The following GPC5 variants were observed in gnomAD, a reference collection of about 807,000 sequenced individuals.
The protein encoded by GPC5 is glypican-5.
Under a neutral mutation model 53.9 loss-of-function variants are expected in GPC5, and 47 were observed. That is an observed-to-expected ratio of 0.87 (90% CI 0.69 to 1.11). GPC5 has a LOEUF of 1.11. GPC5 is among the 50% of genes most tolerant of loss of function. The pLI is 0.00. For synonymous variants in GPC5, 286 were observed against 263.3 expected, an observed-to-expected ratio of 1.09 and a Z score of -0.84; for missense variants, 748 against 713.1, an observed-to-expected ratio of 1.05 and a Z score of -0.56.
At chr13:91,416,820 G>A (rs7328259) in intron 1 of GPC5, among the ~76,000 whole-genome samples, 100,301 of 152,012 alleles carry the variant, frequency 0.66, 33,615 homozygotes, top group African/African-American at 0.76. Context: ...CATGGTGTAT[G>A]TTTGCCACAT....
At chr13:92,070,635 AT>A (rs1268630405) in intron 6 of GPC5, among the ~76,000 whole-genome samples, 1 of 152,176 alleles carries the variant, frequency 6.6e-6, no homozygotes, top group Non-Finnish European at 1.5e-5. Context: ...ATCTGCATCA[AT>A]TGTTGAATAC....
At chr13:91,516,121 A>T (rs1200490563) in intron 2 of GPC5, among the ~76,000 whole-genome samples, 1 of 152,052 alleles carries the variant, frequency 6.6e-6, no homozygotes, top group East Asian at 1.9e-4. Context: ...GACACAGCCA[A>T]ACTATGTCAT....
chr13:91,479,573 T>TA (rs1883194236), intron 2 of GPC5, among the ~76,000 whole-genome samples: 1 of 152,048 alleles, frequency 6.6e-6, no homozygotes, highest in Non-Finnish European at 1.5e-5. Flanking sequence ...ATAGTCTACT[T>TA]AAAGTTTTTT....
intron 1 of GPC5, among the ~76,000 whole-genome samples, chr13:91,432,061 G>A (rs927054866): frequency 2.0e-5 from 3 of 152,124 alleles, no homozygotes; most frequent in African/African-American, 7.2e-5. Flanking sequence ...TGGGTTGTTG[G>A]TTATTGAGAT....
chr13:92,741,361 G>A (rs1191155846), intron 7 of GPC5, among the ~76,000 whole-genome samples: 3 of 151,888 alleles, frequency 2.0e-5, no homozygotes, highest in South Asian at 2.1e-4. Context: ...ACCCTTTGCC[G>A]TGGGAGGCTC....
At chr13:92,128,560 G>A (rs1427339607) in intron 6 of GPC5, among the ~76,000 whole-genome samples, 4 of 152,184 alleles carry the variant, frequency 2.6e-5, no homozygotes, top group Non-Finnish European at 5.9e-5. Context: ...ATACCAACAA[G>A]ACATTTTTAC....
chr13:91,606,553 T>C (rs9589304), intron 2 of GPC5, among the ~76,000 whole-genome samples: 28,712 of 147,946 alleles, frequency 0.19, 2,954 homozygotes, highest in African/African-American at 0.25. Context: ...CTTGTACCTC[T>C]GGTAGAATTC....
chr13:92,182,098 A>ATT (rs201448151), intron 7 of GPC5, among the ~76,000 whole-genome samples: 2 of 151,786 alleles, frequency 1.3e-5, no homozygotes, highest in African/African-American at 4.8e-5. Flanking sequence ...TTATTTATTT[A>ATT]TTTTTTTTGC....
chr13:91,631,940 C>T (rs1383894051), intron 2 of GPC5, among the ~76,000 whole-genome samples: 1 of 152,070 alleles, frequency 6.6e-6, no homozygotes, highest in Non-Finnish European at 1.5e-5. Flanking sequence ...GAAGTCCAAC[C>T]AAGGTCTTAA....
At chr13:92,381,923 T>TATATATG (rs2043750122) in intron 7 of GPC5, among the ~76,000 whole-genome samples, 1 of 132,500 alleles carries the variant, frequency 7.5e-6, no homozygotes, top group Non-Finnish European at 1.6e-5. Context: ...TATATAATCA[T>TATATATG]ATATATGATT....
At chr13:92,771,832 C>T (rs543989852) in intron 7 of GPC5, among the ~76,000 whole-genome samples, 53 of 152,296 alleles carry the variant, frequency 3.5e-4, no homozygotes, top group African/African-American at 1.2e-3. Context: ...TTCAGCCTCT[C>T]TCCTGAAGTT....
intron 5 of GPC5, among the ~76,000 whole-genome samples, chr13:91,839,271 G>C (rs1158714697): frequency 6.6e-6 from 1 of 152,018 alleles, no homozygotes; most frequent in African/African-American, 2.4e-5. Context: ...GGATTGCTCA[G>C]ATTTTAAAAT....
intron 7 of GPC5, among the ~76,000 whole-genome samples, chr13:92,348,962 TA>T (rs1488155909): frequency 6.6e-6 from 1 of 151,774 alleles, no homozygotes. Flanking sequence ...AATGTTTACC[TA>T]AAAAAAACCC....
intron 7 of GPC5, among the ~76,000 whole-genome samples, chr13:92,477,589 T>C (rs1265734507): frequency 2.0e-5 from 3 of 152,174 alleles, no homozygotes; most frequent in Non-Finnish European, 2.9e-5. Flanking sequence ...TTAGGTTTCT[T>C]CCTTGAAAAT....
intron 5 of GPC5, among the ~76,000 whole-genome samples, chr13:91,884,824 A>G (rs1394536013): frequency 1.3e-5 from 2 of 152,136 alleles, no homozygotes; most frequent in Non-Finnish European, 2.9e-5. Context: ...TTTTAATACT[A>G]TCTCAAAATA....
At chr13:92,467,104 G>A (rs558160928) in intron 7 of GPC5, among the ~76,000 whole-genome samples, 4 of 152,196 alleles carry the variant, frequency 2.6e-5, no homozygotes, top group Middle Eastern at 3.4e-3. Context: ...CTTTGTGATC[G>A]GATATGTGAG....
In GPC5 at chr13:92,682,243, T is replaced by A. The variant is rs560132499; in HGVS notation, c.1562-184039T>A. On this transcript the variant is annotated intron_variant, in intron 7 of 7. Transcript: ENST00000377067. ...AAAAGCTTCATCCCTTTCAAAAATT[T>A]ATTCTGTAATAGCAATAAATTCAGT... Among the ~76,000 whole-genome samples the A allele has an allele frequency of 5.3e-5, 8 of 152,342 alleles. 1 individual carries two copies. In the South Asian group the frequency reaches 1.7e-3, roughly 32 times the overall value.
intron 2 of GPC5, among the ~76,000 whole-genome samples, chr13:91,530,810 C>A (rs1363233172): frequency 6.6e-6 from 1 of 152,092 alleles, no homozygotes; most frequent in African/African-American, 2.4e-5. Context: ...TATTTTATTT[C>A]ATTTATATCA....
At chr13:92,036,821 T>C (rs2040896571) in intron 6 of GPC5, among the ~76,000 whole-genome samples, 1 of 152,208 alleles carries the variant, frequency 6.6e-6, no homozygotes, top group Admixed American at 6.5e-5. Context: ...CTGTTATACT[T>C]GTCTTCATTA....
Sources: gnomAD v4.1 joint callset for allele counts (sites outside exome capture counted in the v4.1 genomes callset) on GRCh38, gnomAD v4.1.1 for gene constraint, MANE v1.5 for transcripts, NCBI Gene and HGNC (gene_info 2026-07-23, HGNC 2026-07-21) for gene names.